SYNPR: variants seen among roughly 807,000 people sequenced by gnomAD.
The protein encoded by SYNPR is synaptoporin.
In SYNPR, 23 loss-of-function variants were observed where a neutral mutation model predicts 32.9. That is an observed-to-expected ratio of 0.70 (90% CI 0.50 to 0.99). The LOEUF (loss-of-function observed/expected upper bound fraction) is 0.99, where lower values mean the gene tolerates loss of function less well. Ranked by LOEUF, SYNPR falls within the 50% of genes least tolerant of loss-of-function variation. The pLI is 0.00. For synonymous variants in SYNPR, 146 were observed against 135.9 expected (o/e 1.07, Z -0.52); for missense variants, 318 against 349.3 (o/e 0.91, Z 0.71).
intron 2 of SYNPR, among the ~76,000 whole-genome samples, chr3:63,440,188 A>AG (rs1700147587): frequency 6.6e-6 from 1 of 152,196 alleles, no homozygotes; most frequent in South Asian, 2.1e-4. Context: ...TGAGTGGCAA[A>AG]GGAAGAGAGG....
chr3:63,271,746 A>C (rs1383018116), intron 3 of SYNPR, among the ~76,000 whole-genome samples: 1 of 152,074 alleles, frequency 6.6e-6, no homozygotes, highest in African/African-American at 2.4e-5. Flanking sequence ...GGAAATAAAA[A>C]AATATGCTGT....
chr3:63,383,493 G>T (rs2088000448), intron 2 of SYNPR, among the ~76,000 whole-genome samples: 1 of 152,124 alleles, frequency 6.6e-6, no homozygotes, highest in Non-Finnish European at 1.5e-5. Flanking sequence ...AAGGTGGGCA[G>T]ATTGCCTGAG....
the SYNPR span, among the ~76,000 whole-genome samples, chr3:63,222,619 T>C: frequency 6.6e-6 from 1 of 152,078 alleles, no homozygotes; most frequent in African/African-American, 2.4e-5. Context: ...CAGGTTTAAA[T>C]GATTCTCCTG....
the SYNPR span, among the ~76,000 whole-genome samples, chr3:63,207,815 T>C: frequency 1.3e-5 from 2 of 152,078 alleles, no homozygotes; most frequent in Non-Finnish European, 2.9e-5. Flanking sequence ...TTGATGTAAA[T>C]CTCAGAATCA....
intron 3 of SYNPR, among the ~76,000 whole-genome samples, chr3:63,501,954 T>C (rs1335562840): frequency 1.3e-5 from 2 of 152,162 alleles, no homozygotes; most frequent in Non-Finnish European, 2.9e-5. Flanking sequence ...TGAATGGAGG[T>C]ATGCTGTAAG....
intron 2 of SYNPR, among the ~76,000 whole-genome samples, chr3:63,423,166 G>A (rs1299776103): frequency 6.6e-6 from 1 of 152,172 alleles, no homozygotes; most frequent in East Asian, 1.9e-4. Context: ...ATGACTTTGG[G>A]AGAAAAGGGA....
At position 63,464,249 on chromosome 3, in the gene SYNPR, G is replaced by A. The variant is rs551026946; in HGVS notation, c.85-16583G>A. ...CTTACCTCTACTGCCTATTTGACTG[G>A]AGTTTTGCTCTGGGCTTACTGGCCC... On this transcript the variant is annotated intron_variant, in intron 2 of 5. Coordinates refer to ENST00000478300, the MANE Select transcript of SYNPR (RefSeq NM_001130003.2). 2.6e-5 allele frequency among the ~76,000 whole-genome samples: 4 copies of A among 152,082 alleles called. No homozygotes were observed. In the South Asian group the frequency reaches 8.3e-4, roughly 32 times the overall value.
chr3:63,415,696 G>C (rs772139091), intron 2 of SYNPR, among the ~76,000 whole-genome samples: 6 of 152,212 alleles, frequency 3.9e-5, no homozygotes, highest in Admixed American at 6.5e-5. Context: ...TCTCCAACCA[G>C]TGGTGTAAGT....
chr3:63,234,054 T>A lies in SYNPR; in HGVS notation n.66+5674T>A, dbSNP rs528607889. On this transcript the variant is annotated intron_variant and non_coding_transcript_variant, in intron 1 of 4. Transcript: ENST00000478456. ...TATTAGTCCGTTTTCACACTGCTGA[T>A]AAAGGCATACCTGAGACTGGGAAAT... 6.6e-5 allele frequency among the ~76,000 whole-genome samples: 10 copies of A among 152,284 alleles called. No individual in the cohort carries two copies. In the South Asian group the frequency reaches 2.1e-3, roughly 32 times the overall value.
chr3:63,333,317 G>A (rs1259666671), intron 2 of SYNPR, among the ~76,000 whole-genome samples: 2 of 149,016 alleles, frequency 1.3e-5, no homozygotes. Context: ...ATCTCCCAGT[G>A]ATCCTGTAAC....
chr3:63,277,771 C>T (rs902722239), upstream of SYNPR, among the ~76,000 whole-genome samples: 1 of 152,018 alleles, frequency 6.6e-6, no homozygotes. Flanking sequence ...CTCTGCTCTG[C>T]GCCACTGTCC....
chr3:63,515,599 G>T (rs188093385), intron 3 of SYNPR, among the ~76,000 whole-genome samples: 2 of 152,162 alleles, frequency 1.3e-5, no homozygotes, highest in South Asian at 2.1e-4. Flanking sequence ...GGAAATTGGG[G>T]TATATTCATG....
At chr3:63,393,419 G>A (rs2088165559) in intron 2 of SYNPR, among the ~76,000 whole-genome samples, 1 of 150,010 alleles carries the variant, frequency 6.7e-6, no homozygotes, top group Admixed American at 6.6e-5. Context: ...GTTGGAGAAT[G>A]ACTATTTCAT....
intron 4 of SYNPR, among the ~76,000 whole-genome samples, chr3:63,571,301 T>C (rs34216676): frequency 0.11 from 16,045 of 152,232 alleles, 923 homozygotes; most frequent in Non-Finnish European, 0.12. Context: ...GTATACCTGC[T>C]GTCCCTGCAG....
chr3:63,434,060 T>C (rs1212449764), intron 2 of SYNPR, among the ~76,000 whole-genome samples: 1 of 152,086 alleles, frequency 6.6e-6, no homozygotes, highest in African/African-American at 2.4e-5. Flanking sequence ...ACTAGGCTTT[T>C]TGGAGCTCCA....
At chr3:63,543,967 G>T (rs1256293488) in intron 3 of SYNPR, among the ~76,000 whole-genome samples, 1 of 152,058 alleles carries the variant, frequency 6.6e-6, no homozygotes, top group African/African-American at 2.4e-5. Flanking sequence ...AAGCAAGTGG[G>T]CATGATGGTA....
At chr3:63,308,966 A>C (rs897054839) in intron 2 of SYNPR, among the ~76,000 whole-genome samples, 6 of 151,716 alleles carry the variant, frequency 4.0e-5, no homozygotes, top group Admixed American at 3.9e-4. Flanking sequence ...CCTTCTATAG[A>C]CTTCAGTTTC....
At chr3:63,348,147 C>A (rs2087461074) in intron 2 of SYNPR, among the ~76,000 whole-genome samples, 1 of 152,116 alleles carries the variant, frequency 6.6e-6, no homozygotes, top group Admixed American at 6.5e-5. Context: ...ACATTCCCAC[C>A]AACATTGTAT....
At chr3:63,241,625 A>C (rs180921623) in intron 1 of SYNPR, among the ~76,000 whole-genome samples, 144 of 152,178 alleles carry the variant, frequency 9.5e-4, no homozygotes, top group African/African-American at 3.2e-3. Flanking sequence ...GATATACATT[A>C]AAGTTGTTAC....
Sources: allele counts gnomAD v4.1 joint callset (sites outside exome capture counted in the v4.1 genomes callset), GRCh38; gene constraint gnomAD v4.1.1; transcripts MANE v1.5; gene names NCBI Gene and HGNC (gene_info 2026-07-23, HGNC 2026-07-21).